Variants in PRAMEF12 observed in about 807,000 individuals in gnomAD.
PRAMEF12 encodes the protein PRAME family member 12.
Under a neutral mutation model 24.6 loss-of-function variants are expected in PRAMEF12, and 24 were observed. The ratio of observed to expected loss-of-function variants is 0.98; its 90% CI spans 0.71 to 1.37. PRAMEF12 has a LOEUF of 1.37. Ranked by LOEUF, PRAMEF12 falls within the 40% of genes most tolerant of loss-of-function variation. The probability of loss-of-function intolerance (pLI) is 0.00; values close to 1 mark genes in which losing one functional copy is unlikely to be tolerated. For missense variants in PRAMEF12, 646 were observed against 580.3 expected, an observed-to-expected ratio of 1.11 and a Z score of -1.16; for synonymous variants, 286 against 242.6, an observed-to-expected ratio of 1.18 and a Z score of -1.66.
At position 12,777,372 on chromosome 1, in the gene PRAMEF12, G is replaced by T; in HGVS notation, c.1225G>T (p.Glu409Ter). 1 of 1,613,820 alleles carries T rather than the reference G, an allele frequency of 6.2e-7. No individual in the cohort carries two copies. The highest frequency in any genetic ancestry group is 2.2e-5 in the East Asian group (1 of 44,874). Residue 409 changes from glutamate to a stop codon, truncating the protein, a stop_gained, in exon 3 of 3, where the codon GAG (glutamate) becomes TAG (stop). Transcript: ENST00000357726. LOFTEE classifies it low-confidence loss of function (END_TRUNC). Reference protein sequence around the residue: ...HTVGLSKLSLELYPAPLESYD... With the variant: ...HTVGLSKLSL ...CGTCGGGCTGAGCAAGCTAAGCCTG[G>T]AGCTGTATCCTGCCCCTCTGGAGAG... is the stretch of plus-strand genomic sequence containing the variant.
chr1:12,775,366 C>T (rs963635318), intron 1 of PRAMEF12, among the ~76,000 whole-genome samples, 177 bp from the exon 2 acceptor site: 21 of 152,102 alleles, frequency 1.4e-4, no homozygotes, highest in African/African-American at 4.6e-4. Flanking sequence ...CTGCCTCCTG[C>T]CAGTGGCAAT....
Position 12,774,697 on chromosome 1 carries a change from A to G in PRAMEF12, c.-171A>G, listed in dbSNP as rs906006336. 1.1e-5 allele frequency: 7 copies of G among 613,012 alleles called. No individual in the cohort carries two copies. Among genetic ancestry groups the G allele is most frequent in the Non-Finnish European group, 1.7e-5 (6 of 359,660 alleles). 38.0% of individuals were successfully genotyped at this position (613,012 alleles called of 1,614,324 possible). A position where few individuals can be genotyped will look rare whatever the true frequency, so the allele number is the denominator to read the frequency against. ...CCTCATTGTTTGGAAGACATTCTTT[A>G]TGGTACCAGCAAGGGCAGAATTACA... On this transcript the variant is annotated 5_prime_UTR_variant, in exon 1 of 3. The change abolishes an upstream ATG in the 5' untranslated region. Transcript: ENST00000357726.
At position 12,775,790 on chromosome 1, in the gene PRAMEF12, T is replaced by C. The variant is rs201545459; in HGVS notation, c.535T>C (p.Cys179Arg). 2 of 1,613,716 alleles carry C rather than the reference T, an allele frequency of 1.2e-6. No individual in the cohort carries two copies. Among genetic ancestry groups the C allele is most frequent in the African/African-American group, 2.7e-5 (2 of 74,798 alleles). The change falls in exon 2 of 3, where the codon TGT becomes CGT. Residue 179 changes from cysteine (C) to arginine (R), a missense_variant. Transcript: ENST00000357726. ...GKQRKGLLHVCCKELQIFGIA... is the reference protein window; with the variant it reads ...GKQRKGLLHVRCKELQIFGIA... ...GCAGAGAAAAGGCTTACTGCACGTG[T>C]GTTGCAAGGAGCTGCAGATTTTTGG...
rs1453106567 is a variant in PRAMEF12, at chr1:12,776,104, G to A, written c.849G>A (p.Leu283=). The A allele has an allele frequency of 6.2e-7, 1 of 1,614,054 alleles. No individual in the cohort carries two copies. Among genetic ancestry groups the A allele is most frequent in the East Asian group, 2.2e-5 (1 of 44,882 alleles). ...MHSVSFLEGH[L]DQLLRCLQAP... ...CTGTCTCTTTCCTCGAAGGCCACCT[G>A]GACCAGCTGCTCAGGTGAGGAAGTA... is the stretch of plus-strand genomic sequence containing the variant. The change falls in exon 2 of 3, where the codon CTG becomes CTA. Residue 283 remains leucine, a synonymous_variant. Coordinates refer to ENST00000357726, the MANE Select transcript of PRAMEF12 (RefSeq NM_001080830.5).
At position 12,776,114 on chromosome 1, in the gene PRAMEF12, C is replaced by T. The variant is rs761506783; in HGVS notation, c.859C>T (p.Leu287Phe). ...CCTCGAAGGCCACCTGGACCAGCTG[C>T]TCAGGTGAGGAAGTATGGTGAGCTT... is the stretch of plus-strand genomic sequence containing the variant. ...SFLEGHLDQLLRCLQAPLETV... is the reference protein window; with the variant it reads ...SFLEGHLDQLFRCLQAPLETV... The change falls in exon 2 of 3, where the codon CTC becomes TTC. Residue 287 changes from leucine to phenylalanine, a missense_variant. Physicochemically the swap from Leu to Phe is conservative, Grantham distance 22. Coordinates refer to ENST00000357726, the MANE Select transcript of PRAMEF12 (RefSeq NM_001080830.5). 1 of 1,613,480 alleles carries T rather than the reference C, an allele frequency of 6.2e-7. No individual in the cohort carries two copies. The highest frequency in any genetic ancestry group is 1.7e-5 in the Admixed American group (1 of 60,026).
Position 12,776,033 on chromosome 1 carries a change from T to A in PRAMEF12, c.778T>A (p.Ser260Thr), listed in dbSNP as rs759513717. The stretch of plus-strand genomic sequence containing the variant: ...GGAGCAGTTTGTCATCCAGTTCACC[T>A]CTCAGTTCCTCAAGCTGGACTACTT... ...RKEQFVIQFT[S>T]QFLKLDYFQK... The change falls in exon 2 of 3, where the codon TCT becomes ACT. Residue 260 changes from serine (S) to threonine (T), a missense_variant. Coordinates refer to ENST00000357726, the MANE Select transcript of PRAMEF12 (RefSeq NM_001080830.5). The A allele has an allele frequency of 6.2e-7, 1 of 1,614,184 alleles. No individual in the cohort carries two copies.
In PRAMEF12 at chr1:12,774,103, A is replaced by C. The variant is rs1363986700; in HGVS notation, c.-765A>C. ...TGAATTTTTATTTCGTGACATTTGA[A>C]ATAATTGGTTTTTGTGCCCTTAAAT... On this transcript the variant is annotated 5_prime_UTR_variant, in exon 1 of 3. Coordinates refer to ENST00000357726, the MANE Select transcript of PRAMEF12 (RefSeq NM_001080830.5). 1.3e-5 allele frequency among the ~76,000 whole-genome samples: 2 copies of C among 152,160 alleles called. No individual in the cohort carries two copies. Among genetic ancestry groups the C allele is most frequent in the Non-Finnish European group, 2.9e-5 (2 of 68,040 alleles).
rs375662448 is a variant in PRAMEF12, at chr1:12,775,544, C to T, written c.289C>T (p.Arg97Trp). Reference sequence around the variant, plus strand: ...GCCTCTCTTCTCTTTTACCCACAGGCGGTGGAAACTTCAAGTGTTGGACTT... The same window carrying T: ...GCCTCTCTTCTCTTTTACCCACAGGTGGTGGAAACTTCAAGTGTTGGACTT... Reference protein sequence around the residue: ...ALLAQKVRPRRWKLQVLDLRN... With the variant: ...ALLAQKVRPRWWKLQVLDLRN... Residue 97 changes from arginine to tryptophan, a missense_variant and splice_region_variant, in exon 2 of 3, where the codon CGG becomes TGG. Coordinates refer to ENST00000357726, the MANE Select transcript of PRAMEF12 (RefSeq NM_001080830.5). 45 of 1,605,722 alleles carry T rather than the reference C, an allele frequency of 2.8e-5. No homozygotes were observed. The African/African-American group carries it at 3.6e-4, about 13-fold the overall frequency.
chr1:12,774,949 C>T lies in PRAMEF12; in HGVS notation c.82C>T (p.Leu28=). ...AGACCGGGCCTTGGCCATCCCCACC[C>T]TGGAGGAGCTGCCCAGGGAGCTCTT... ...LRDRALAIPT[L]EELPRELFPP... Residue 28 remains leucine (L), a synonymous_variant, in exon 1 of 3, where the codon CTG becomes TTG. Transcript: ENST00000357726. 1 of 1,614,092 alleles carries T rather than the reference C, an allele frequency of 6.2e-7. No homozygotes were observed. Among genetic ancestry groups the T allele is most frequent in the Non-Finnish European group, 8.5e-7 (1 of 1,180,004 alleles).
Position 12,777,215 on chromosome 1 carries a change from G to T in PRAMEF12, c.1068G>T (p.Glu356Asp), listed in dbSNP as rs201553868. ...AEATLQTLDLEDCGIVDSQLS... is the reference protein window; with the variant it reads ...AEATLQTLDLDDCGIVDSQLS... ...CCACCCTGCAGACCCTGGACTTAGA[G>T]GACTGTGGGATCGTGGATTCCCAAC... The change falls in exon 3 of 3, where the codon GAG (glutamate) becomes GAT (aspartate). Residue 356 changes from glutamate to aspartate, a missense_variant. Coordinates refer to ENST00000357726, the MANE Select transcript of PRAMEF12 (RefSeq NM_001080830.5). 6.2e-7 allele frequency: 1 copy of T among 1,607,094 alleles called. No individual in the cohort carries two copies. Among genetic ancestry groups the T allele is most frequent in the Non-Finnish European group, 8.5e-7 (1 of 1,176,476 alleles).
Position 12,777,109 on chromosome 1 carries a change from TA to T in PRAMEF12, c.966del (p.Glu323SerfsTer2). 1 of 1,613,872 alleles carries T rather than the reference TA, an allele frequency of 6.2e-7. No individual in the cohort carries two copies. Reference protein sequence around the residue: ...HLSWCPSIRQLKELDLRGITL... With the variant: ...HLSWCPSIRQXKELDLRGITL... ...TCTTGGTGCCCGAGCATCCGTCAGC[TA>T]AAAGAGCTAGACCTGAGGGGCATCA... On this transcript the variant is annotated frameshift_variant, in exon 3 of 3. Transcript: ENST00000357726. LOFTEE classifies it low-confidence loss of function (END_TRUNC).
intron 2 of PRAMEF12, among the ~76,000 whole-genome samples, 181 bp downstream of exon 2, chr1:12,776,299 C>T (rs2076216): frequency 0.029 from 4,414 of 152,218 alleles, 86 homozygotes; most frequent in South Asian, 0.062. Context: ...ACACATCCAT[C>T]CCAATAAGCC....
At chr1:12,776,929 G>C in intron 2 of PRAMEF12, 82 bp from the exon 3 acceptor site, 2 of 1,403,132 alleles carry the variant, frequency 1.4e-6, no homozygotes, top group South Asian at 2.6e-5. Flanking sequence ...AAGCAGAACA[G>C]CCTTGGGTTG....
intron 2 of PRAMEF12, 143 bp downstream of exon 2, chr1:12,776,261 T>C (rs865959378): frequency 1.6e-5 from 14 of 873,500 alleles, no homozygotes; most frequent in South Asian, 3.2e-5. Flanking sequence ...CATTGTCCTG[T>C]TGGCAGCTCT....
intron 2 of PRAMEF12, 125 bp from the exon 3 acceptor site, chr1:12,776,886 T>G (rs539071093): frequency 2.5e-4 from 258 of 1,027,626 alleles, no homozygotes; most frequent in Non-Finnish European, 3.6e-4. Context: ...AGAGTCTCCA[T>G]TCCCACACCC....
rs773686390 is a variant in PRAMEF12 at position 12,775,745 on chromosome 1, C to T, written c.490C>T (p.His164Tyr). ...TGGGACGCTGGATGAATGCCTCACC[C>T]ACTTCTTAGAGTGGGGCAAGCAGAG... ...KNGTLDECLT[H>Y]FLEWGKQRKG... Residue 164 changes from histidine (H) to tyrosine (Y), a missense_variant, in exon 2 of 3, where the codon CAC (histidine) becomes TAC (tyrosine). Physicochemically the swap from His to Tyr is moderately conservative, Grantham distance 83. Coordinates refer to ENST00000357726, the MANE Select transcript of PRAMEF12 (RefSeq NM_001080830.5). 1 of 1,613,734 alleles carries T rather than the reference C, an allele frequency of 6.2e-7. No individual in the cohort carries two copies. The highest frequency in any genetic ancestry group is 1.7e-5 in the Admixed American group (1 of 59,984).
chr1:12,774,915 T>G lies in PRAMEF12; in HGVS notation c.48T>G (p.Ser16Arg), dbSNP rs1315064539. 6.2e-7 allele frequency: 1 copy of G among 1,613,240 alleles called. No individual in the cohort carries two copies. Among genetic ancestry groups the G allele is most frequent in the Non-Finnish European group, 8.5e-7 (1 of 1,179,720 alleles). ...GACTCCTGGAGCTGGCTGAGCAGAG[T>G]CTGCTGAGAGACCGGGCCTTGGCCA... ...PPRLLELAEQ[S>R]LLRDRALAIP... The change falls in exon 1 of 3, where the codon AGT becomes AGG. Residue 16 changes from serine to arginine, a missense_variant. Physicochemically the swap from Ser to Arg is moderately radical, Grantham distance 110 (BLOSUM62 -1). Coordinates refer to ENST00000357726, the MANE Select transcript of PRAMEF12 (RefSeq NM_001080830.5).
chr1:12,774,040 T>C lies in PRAMEF12; in HGVS notation c.-828T>C, dbSNP rs1295475121. ...TTTCAAAATTCTTATTGAAGCAGTT[T>C]TTTTTTTAACAAGAGATATTAAAAA... is the stretch of plus-strand genomic sequence containing the variant. On this transcript the variant is annotated 5_prime_UTR_variant, in exon 1 of 3. Coordinates refer to ENST00000357726, the MANE Select transcript of PRAMEF12 (RefSeq NM_001080830.5). Among the ~76,000 whole-genome samples the C allele has an allele frequency of 5.9e-5, 9 of 152,232 alleles. No individual in the cohort carries two copies. The highest frequency in any genetic ancestry group is 1.3e-4 in the Admixed American group (2 of 15,280).
At chr1:12,775,517 G>C in intron 1 of PRAMEF12, 26 bp from the exon 2 acceptor site, 1 of 1,573,284 alleles carries the variant, frequency 6.4e-7, no homozygotes, top group Non-Finnish European at 8.6e-7. Flanking sequence ...CCTAAATTTG[G>C]AGCCTCTCTT....
Sources: allele counts gnomAD v4.1 joint callset (sites outside exome capture counted in the v4.1 genomes callset), GRCh38; gene constraint gnomAD v4.1.1; transcripts MANE v1.5; gene names NCBI Gene and HGNC (gene_info 2026-07-23, HGNC 2026-07-21).